The following ENTPD3 variants were observed in gnomAD, a reference collection of about 807,000 sequenced individuals.
ENTPD3 encodes ectonucleoside triphosphate diphosphohydrolase 3.
ENTPD3 carries 60 observed loss-of-function variants against 51.2 expected under a neutral mutation model. That is an observed-to-expected ratio of 1.17 (90% CI 0.95 to 1.45). The LOEUF (loss-of-function observed/expected upper bound fraction) is 1.45. ENTPD3 is among the 40% of genes most tolerant of loss of function. ENTPD3 has a pLI of 0.00. For missense variants in ENTPD3, 593 were observed against 641.1 expected, an observed-to-expected ratio of 0.93 and a Z score of 0.81; for synonymous variants, 221 against 238.4, an observed-to-expected ratio of 0.93 and a Z score of 0.67.
At chr3:40,426,113 T>C (rs1185361467) in intron 10 of ENTPD3, among the ~76,000 whole-genome samples, 3 of 143,750 alleles carry the variant, frequency 2.1e-5, no homozygotes, top group African/African-American at 7.5e-5. Flanking sequence ...TTTTCTTTTT[T>C]TTTTTTTTTT....
chr3:40,423,454 T>C (rs1955921510), intron 9 of ENTPD3, 53 bp downstream of exon 9: 1 of 1,241,426 alleles, frequency 8.1e-7, no homozygotes, highest in African/African-American at 1.5e-5. Flanking sequence ...TATGGTAGAA[T>C]CTATTCTATG....
chr3:40,393,454 T>C (rs987317069), intron 3 of ENTPD3, among the ~76,000 whole-genome samples: 7 of 152,292 alleles, frequency 4.6e-5, no homozygotes, highest in East Asian at 3.9e-4. Flanking sequence ...AAGGTAATAT[T>C]TGAAATACAT....
chr3:40,404,395 C>A (rs1205876216), intron 4 of ENTPD3, among the ~76,000 whole-genome samples: 1 of 152,212 alleles, frequency 6.6e-6, no homozygotes, highest in Non-Finnish European at 1.5e-5. Flanking sequence ...CCTCTTGCCA[C>A]TTGTTACTCT....
chr3:40,428,501 C>G lies in ENTPD3; in HGVS notation c.*993C>G, dbSNP rs1486185566. On this transcript the variant is annotated 3_prime_UTR_variant, in exon 11 of 11. Coordinates refer to ENST00000301825, the MANE Select transcript of ENTPD3 (RefSeq NM_001248.4). ...AAGGAAGCTGCAGGAATATTTATCTCCAAAGTCGAATGAGAAAGAACTCCA... is the reference window on the plus strand; with the variant it reads ...AAGGAAGCTGCAGGAATATTTATCTGCAAAGTCGAATGAGAAAGAACTCCA... 1.3e-5 allele frequency: 2 copies of G among 152,136 alleles called. No individual in the cohort carries two copies. Among genetic ancestry groups the G allele is most frequent in the South Asian group, 4.1e-4 (2 of 4,820 alleles). The allele number at this position is 152,136 out of a possible 1,614,324, so 9.4% of individuals were successfully genotyped here.
chr3:40,427,565 C>G lies in ENTPD3; in HGVS notation c.*57C>G. The G allele has an allele frequency of 7.7e-7, 1 of 1,303,736 alleles. No individual in the cohort carries two copies. The highest frequency in any genetic ancestry group is 1.2e-5 in the South Asian group (1 of 82,812). The allele number at this position is 1,303,736 out of a possible 1,614,324, so 80.8% of individuals were successfully genotyped here. On this transcript the variant is annotated 3_prime_UTR_variant, in exon 11 of 11. Coordinates refer to ENST00000301825, the MANE Select transcript of ENTPD3 (RefSeq NM_001248.4). ...TGCTTAGAGTCAGCCTGGGTGGCAC[C>G]AGGCAATGCAGGTGAAGTGGCTGCC...
At position 40,411,764 on chromosome 3, in the gene ENTPD3, C is replaced by T. The variant is rs142885638; in HGVS notation, c.287-48C>T. The T allele has an allele frequency of 7.8e-4, 1,183 of 1,524,264 alleles. 9 individuals carry two copies. In the African/African-American group the frequency reaches 0.013, roughly 17 times the overall value. 94.4% of individuals were successfully genotyped at this position (1,524,264 alleles called of 1,614,324 possible). A position where few individuals can be genotyped will look rare whatever the true frequency, so the allele number is the denominator to read the frequency against. ...TTTTTATTTAAAAGTTGTATCACTGCGATTGGTTCCTGGAAATGCTGACAG... is the reference window on the plus strand; with the variant it reads ...TTTTTATTTAAAAGTTGTATCACTGTGATTGGTTCCTGGAAATGCTGACAG... On this transcript the variant is annotated intron_variant, in intron 4 of 10. Transcript: ENST00000301825.
intron 10 of ENTPD3, among the ~76,000 whole-genome samples, chr3:40,424,433 C>G (rs1162535854): frequency 2.0e-5 from 3 of 152,076 alleles, no homozygotes; most frequent in Admixed American, 1.3e-4. Context: ...GGCCTTAGGG[C>G]CTGATGGATT....
At chr3:40,387,997 GA>G in intron 1 of ENTPD3, 48 bp from the exon 2 acceptor site, 2 of 1,498,384 alleles carry the variant, frequency 1.3e-6, no homozygotes, top group Non-Finnish European at 1.9e-6. Context: ...TTAAACTTGT[GA>G]GGCCGGGGCG....
In ENTPD3 at chr3:40,411,994, T is replaced by G. The variant is rs768697077; in HGVS notation, c.437+32T>G. 8.8e-6 allele frequency: 14 copies of G among 1,583,806 alleles called. No individual in the cohort carries two copies. In the African/African-American group the frequency reaches 1.4e-4, roughly 15 times the overall value. On this transcript the variant is annotated intron_variant, in intron 5 of 10. Coordinates refer to ENST00000301825, the MANE Select transcript of ENTPD3 (RefSeq NM_001248.4). ...GCTAAGTGGCACAAAGGAGCCCATT[T>G]GACCAAAATAACCAAGAATATGTTG... is the stretch of plus-strand genomic sequence containing the variant.
chr3:40,401,616 G>C (rs1955359267), intron 4 of ENTPD3, among the ~76,000 whole-genome samples: 1 of 152,230 alleles, frequency 6.6e-6, no homozygotes, highest in African/African-American at 2.4e-5. Context: ...GAGGCAGACA[G>C]AGAATGACAA....
intron 1 of ENTPD3, among the ~76,000 whole-genome samples, chr3:40,387,714 T>C (rs1472993538): frequency 6.6e-6 from 1 of 152,142 alleles, no homozygotes; most frequent in Non-Finnish European, 1.5e-5. Context: ...CTCAGCTTTG[T>C]GAATGTTAAT....
At chr3:40,426,474 A>T (rs1955987921) in intron 10 of ENTPD3, among the ~76,000 whole-genome samples, 1 of 152,190 alleles carries the variant, frequency 6.6e-6, no homozygotes, top group Non-Finnish European at 1.5e-5. Flanking sequence ...TTGAAAATTT[A>T]AAAGTAAGAT....
intron 10 of ENTPD3, among the ~76,000 whole-genome samples, chr3:40,426,131 C>T (rs868443918): frequency 5.5e-5 from 6 of 108,938 alleles, no homozygotes; most frequent in Admixed American, 2.6e-4. Flanking sequence ...TTTTTTGAGA[C>T]GGAGTCTCGC....
At chr3:40,422,501 TC>T (rs1433661823) in intron 7 of ENTPD3, among the ~76,000 whole-genome samples, 2 of 141,956 alleles carry the variant, frequency 1.4e-5, no homozygotes, top group Admixed American at 1.4e-4. Context: ...ATGCTATCCT[TC>T]CCCCCTCCCC....
chr3:40,400,810 C>T, intron 3 of ENTPD3, 84 bp from the exon 4 acceptor site: 1 of 958,118 alleles, frequency 1.0e-6, no homozygotes, highest in Non-Finnish European at 1.7e-6. Context: ...GATTAAGGTA[C>T]TCAGGGTTCT....
rs754053615 is a variant in ENTPD3, at chr3:40,422,879, T to C, written c.861T>C (p.Asn287=). ...CTCCTACCAAAAACCATCTCACCAA[T>C]CCCTGTTACCCTCGGGATTATAGCA... The part of the protein sequence containing the change: ...QNSPTKNHLT[N]PCYPRDYSIS... The change falls in exon 8 of 11, where the codon AAT becomes AAC. Residue 287 remains asparagine, a synonymous_variant. Coordinates refer to ENST00000301825, the MANE Select transcript of ENTPD3 (RefSeq NM_001248.4). 11 of 1,613,462 alleles carry C rather than the reference T, an allele frequency of 6.8e-6. No individual in the cohort carries two copies. Among genetic ancestry groups the C allele is most frequent in the Non-Finnish European group, 9.3e-6 (11 of 1,179,946 alleles).
At chr3:40,396,164 G>C (rs960100974) in intron 3 of ENTPD3, among the ~76,000 whole-genome samples, 6 of 152,144 alleles carry the variant, frequency 3.9e-5, no homozygotes, top group Admixed American at 3.9e-4. Context: ...AGCTCGGAAG[G>C]TCCATTCTGC....
chr3:40,420,486 G>T (rs900831786), intron 7 of ENTPD3, among the ~76,000 whole-genome samples: 1 of 151,844 alleles, frequency 6.6e-6, no homozygotes, highest in African/African-American at 2.4e-5. Flanking sequence ...TGATCCGCCC[G>T]CCTTGGCCTC....
In ENTPD3 at chr3:40,427,322, C is replaced by T. The variant is rs1451788304; in HGVS notation, c.1404C>T (p.Thr468=). The T allele has an allele frequency of 2.5e-6, 4 of 1,614,140 alleles. No homozygotes were observed. The highest frequency in any genetic ancestry group is 3.4e-6 in the Non-Finnish European group (4 of 1,180,026). Residue 468 remains threonine, a synonymous_variant, in exon 11 of 11, where the codon ACC becomes ACT. Transcript: ENST00000301825. ...AWSLGYMLSL[T]NQIPAESPLI... is the part of the protein sequence containing the mutation. The stretch of plus-strand genomic sequence containing the variant: ...CTCTTGGCTACATGCTCAGCCTGAC[C>T]AACCAGATCCCAGCTGAAAGCCCTC...
Sources: allele counts gnomAD v4.1 joint callset (sites outside exome capture counted in the v4.1 genomes callset), GRCh38; gene constraint gnomAD v4.1.1; transcripts MANE v1.5; gene names NCBI Gene and HGNC (gene_info 2026-07-23, HGNC 2026-07-21).